CAMK1D: variants seen among roughly 807,000 people sequenced by gnomAD.
CAMK1D encodes calcium/calmodulin dependent protein kinase ID, also known as calcium/calmodulin-dependent protein kinase type 1D.
A neutral mutation model predicts 47.7 loss-of-function variants in CAMK1D; 9 were observed. That is an observed-to-expected ratio of 0.19 (90% CI 0.11 to 0.33). The LOEUF (loss-of-function observed/expected upper bound fraction) is 0.33, where lower values mean the gene tolerates loss of function less well. CAMK1D is among the 10% of genes least tolerant of loss of function. The pLI is 1.00. For missense variants in CAMK1D, 291 were observed against 488.7 expected (o/e 0.60, Z 3.81); for synonymous variants, 184 against 184.9 (o/e 0.99, Z 0.04).
intron 1 of CAMK1D, among the ~76,000 whole-genome samples, chr10:12,515,026 T>TA (rs1835150379): frequency 6.6e-6 from 1 of 151,406 alleles, no homozygotes; most frequent in Non-Finnish European, 1.5e-5. Flanking sequence ...AATTTTTTTT[T>TA]TTTATTTTTT....
At position 12,647,369 on chromosome 10, in the gene CAMK1D, G is replaced by A. The variant is rs189876651; in HGVS notation, c.225-19367G>A. On this transcript the variant is annotated intron_variant, in intron 2 of 10. Coordinates refer to ENST00000619168, the MANE Select transcript of CAMK1D (RefSeq NM_153498.4). ...TCACCATGTTGGCCAGGCTGGTCTCGAACTCTTGACCTCAAGTGACCCACG... is the reference window on the plus strand; with the variant it reads ...TCACCATGTTGGCCAGGCTGGTCTCAAACTCTTGACCTCAAGTGACCCACG... Among the ~76,000 whole-genome samples, 447 of 151,568 alleles carry A rather than the reference G, an allele frequency of 2.9e-3. 3 individuals are homozygous for A. Among genetic ancestry groups the A allele is most frequent in the African/African-American group, 0.01 (417 of 41,312 alleles).
intron 1 of CAMK1D, among the ~76,000 whole-genome samples, chr10:12,391,110 G>A (rs542677559): frequency 3.5e-4 from 53 of 152,266 alleles, no homozygotes; most frequent in East Asian, 7.7e-4. Flanking sequence ...GCCATGATAC[G>A]TTGGTATCTC....
At chr10:12,516,951 C>G (rs369691340) in intron 1 of CAMK1D, among the ~76,000 whole-genome samples, 1 of 152,144 alleles carries the variant, frequency 6.6e-6, no homozygotes, top group Admixed American at 6.5e-5. Context: ...GGGATTGCAT[C>G]GAATCTGTAC....
chr10:12,788,418 A>G lies in CAMK1D; in HGVS notation c.566-2740A>G, dbSNP rs117364104. Among the ~76,000 whole-genome samples the G allele has an allele frequency of 2.9e-3, 440 of 152,294 alleles. 7 individuals carry two copies. In the East Asian group the frequency reaches 0.05, roughly 17 times the overall value. On this transcript the variant is annotated intron_variant, in intron 5 of 10. Coordinates refer to ENST00000619168, the MANE Select transcript of CAMK1D (RefSeq NM_153498.4). ...GCCATCTCACTGAAGAGCTTTGCAG[A>G]TTCTTGTGATCTGGAACCTAGCGCC... is the stretch of plus-strand genomic sequence containing the variant.
chr10:12,619,844 T>G (rs1488067620), intron 2 of CAMK1D, among the ~76,000 whole-genome samples: 1 of 152,140 alleles, frequency 6.6e-6, no homozygotes, highest in Non-Finnish European at 1.5e-5. Flanking sequence ...ACTTCCCTCC[T>G]GCATGATCTC....
chr10:12,715,753 C>G (rs1180967989), intron 3 of CAMK1D, among the ~76,000 whole-genome samples: 2 of 141,960 alleles, frequency 1.4e-5, no homozygotes, highest in Non-Finnish European at 3.0e-5. Context: ...GATGAAGTCT[C>G]TCTCTCGCCC....
intron 3 of CAMK1D, among the ~76,000 whole-genome samples, chr10:12,674,940 G>GA (rs1271072756): frequency 6.6e-6 from 1 of 150,960 alleles, no homozygotes; most frequent in Non-Finnish European, 1.5e-5. Flanking sequence ...GCTGAGGCAG[G>GA]GAATTGCTTA....
chr10:12,830,964 C>CACACACACACACACACACA lies in CAMK1D; in HGVS notation c.*2078_*2079insCACACACACACACACACAA, dbSNP rs529970088. 1.1e-5 allele frequency: 1 copy of CACACACACACACACACACA among 89,730 alleles called. No homozygotes were observed. Among genetic ancestry groups the CACACACACACACACACACA allele is most frequent in the African/African-American group, 3.9e-5 (1 of 25,330 alleles). The allele number at this position is 89,730 out of a possible 1,614,324, so 5.6% of individuals were successfully genotyped here. A position where few individuals can be genotyped will look rare whatever the true frequency, so the allele number is the denominator to read the frequency against. Reference sequence around the variant, plus strand: ...ACACACACACACACACACACACACACAATGTTATTAGGCACAGCAGCTCCA... The same window carrying CACACACACACACACACACA: ...ACACACACACACACACACACACACACACACACACACACACACACAAATGTTATTAGGCACAGCAGCTCCA... On this transcript the variant is annotated 3_prime_UTR_variant, in exon 11 of 11. Coordinates refer to ENST00000619168, the MANE Select transcript of CAMK1D (RefSeq NM_153498.4).
intron 1 of CAMK1D, among the ~76,000 whole-genome samples, chr10:12,488,764 C>A (rs1834289583): frequency 6.6e-6 from 1 of 152,006 alleles, no homozygotes; most frequent in African/African-American, 2.4e-5. Flanking sequence ...AACCTAGATC[C>A]CTCGCGTGCG....
chr10:12,397,536 G>A (rs1436712214), intron 1 of CAMK1D, among the ~76,000 whole-genome samples: 2 of 152,236 alleles, frequency 1.3e-5, no homozygotes, highest in African/African-American at 4.8e-5. Context: ...CATTGAAAAT[G>A]TTGGTTACCT....
chr10:12,548,703 G>A (rs950743641), intron 1 of CAMK1D, among the ~76,000 whole-genome samples: 10 of 152,032 alleles, frequency 6.6e-5, no homozygotes, highest in African/African-American at 1.9e-4. Context: ...GGGCTCAAGC[G>A]ATCCTCCCAC....
At chr10:12,387,397 T>TATTTTATATATTTTTTATATA (rs199871181) in intron 1 of CAMK1D, among the ~76,000 whole-genome samples, 1 of 83,754 alleles carries the variant, frequency 1.2e-5, no homozygotes, top group Non-Finnish European at 2.3e-5. Context: ...ATATTATATA[T>TATTTTATATATTTTTTATATA]TTTTATATAT....
chr10:12,717,537 C>A (rs542652872), intron 3 of CAMK1D, among the ~76,000 whole-genome samples: 1 of 151,124 alleles, frequency 6.6e-6, no homozygotes, highest in South Asian at 2.1e-4. Context: ...TTTTTCTCCA[C>A]GAAAAAAAGA....
chr10:12,553,431 G>A (rs1807866440), intron 2 of CAMK1D, 75 bp downstream of exon 2: 3 of 1,294,242 alleles, frequency 2.3e-6, no homozygotes, highest in South Asian at 2.4e-5. Flanking sequence ...CTGCCCCGGA[G>A]GCAGACTTTC....
intron 1 of CAMK1D, among the ~76,000 whole-genome samples, chr10:12,536,301 C>T (rs549584720): frequency 1.1e-4 from 16 of 151,160 alleles, no homozygotes; most frequent in South Asian, 2.1e-4. Context: ...ATTTTTGAGA[C>T]GGAGGCTCAC....
At chr10:12,488,794 T>A (rs1588545377) in intron 1 of CAMK1D, among the ~76,000 whole-genome samples, 1 of 152,242 alleles carries the variant, frequency 6.6e-6, no homozygotes, top group East Asian at 1.9e-4. Flanking sequence ...ATAGGGTTCA[T>A]ACTCCCGTGA....
intron 3 of CAMK1D, among the ~76,000 whole-genome samples, chr10:12,709,112 C>G (rs1458771495): frequency 6.6e-6 from 1 of 152,204 alleles, no homozygotes; most frequent in African/African-American, 2.4e-5. Flanking sequence ...GACCTTCCTC[C>G]TGGGTGAGTC....
intron 1 of CAMK1D, among the ~76,000 whole-genome samples, chr10:12,447,076 TAA>T (rs1276123042): frequency 6.6e-6 from 1 of 152,220 alleles, no homozygotes; most frequent in Non-Finnish European, 1.5e-5. Flanking sequence ...TGTTTGGGTC[TAA>T]GTTTTTTCCA....
intron 1 of CAMK1D, among the ~76,000 whole-genome samples, chr10:12,473,885 A>G (rs1007785726): frequency 4.6e-5 from 7 of 152,236 alleles, no homozygotes; most frequent in African/African-American, 1.4e-4. Flanking sequence ...CAGTTTTTGT[A>G]GGGGATTCTC....
Sources: allele counts gnomAD v4.1 joint callset (sites outside exome capture counted in the v4.1 genomes callset), GRCh38; gene constraint gnomAD v4.1.1; transcripts MANE v1.5; gene names NCBI Gene and HGNC (gene_info 2026-07-23, HGNC 2026-07-21).